The following PRPSAP2 variants were observed in gnomAD, a reference collection of about 807,000 sequenced individuals.
PRPSAP2 encodes the protein phosphoribosyl pyrophosphate synthase-associated protein 2.
In PRPSAP2, 24 loss-of-function variants were observed where a neutral mutation model predicts 40.6. The observed-to-expected ratio is 0.59, with a 90% CI of 0.43 to 0.83. PRPSAP2 has a LOEUF of 0.83. PRPSAP2 is among the 40% of genes least tolerant of loss of function. PRPSAP2 has a pLI of 0.00. For missense variants in PRPSAP2, 292 were observed against 465.6 expected, an observed-to-expected ratio of 0.63 and a Z score of 3.43; for synonymous variants, 149 against 164.7, an observed-to-expected ratio of 0.90 and a Z score of 0.73.
At chr17:18,919,715 G>T (rs1472880938) in intron 9 of PRPSAP2, among the ~76,000 whole-genome samples, 1 of 152,200 alleles carries the variant, frequency 6.6e-6, no homozygotes, top group Non-Finnish European at 1.5e-5. Flanking sequence ...TTAGTCTCCA[G>T]TACAGCCCTT....
At chr17:18,876,433 G>T (rs2038303936) in intron 5 of PRPSAP2, among the ~76,000 whole-genome samples, 1 of 152,148 alleles carries the variant, frequency 6.6e-6, no homozygotes, top group Non-Finnish European at 1.5e-5. Flanking sequence ...CAGACTTGTT[G>T]TATAGTGACA....
Position 18,882,697 on chromosome 17 carries a change from A to G in PRPSAP2, c.528+14A>G, listed in dbSNP as rs755264902. The G allele has an allele frequency of 4.0e-6, 6 of 1,483,402 alleles. No individual in the cohort carries two copies. The African/African-American group carries it at 8.4e-5, about 21-fold the overall frequency. The allele number at this position is 1,483,402 out of a possible 1,614,324, so 91.9% of individuals were successfully genotyped here. On this transcript the variant is annotated intron_variant, in intron 7 of 11. Coordinates refer to ENST00000268835, the MANE Select transcript of PRPSAP2 (RefSeq NM_002767.4). ...ATTCAAGAAGAGGTGAGCTAGCTCA[A>G]ACTTTTTTATTTTAACATTCTGATT...
chr17:18,879,954 G>A (rs144026067), intron 6 of PRPSAP2, among the ~76,000 whole-genome samples: 57 of 152,028 alleles, frequency 3.7e-4, no homozygotes, highest in Admixed American at 5.9e-4. Flanking sequence ...AAATTAGCCG[G>A]GTGTGGTGAC....
chr17:18,900,616 G>T (rs2040204394), intron 8 of PRPSAP2, among the ~76,000 whole-genome samples: 1 of 152,118 alleles, frequency 6.6e-6, no homozygotes, highest in African/African-American at 2.4e-5. Context: ...TAGGCCTTCT[G>T]ATTTTGCTGG....
intron 7 of PRPSAP2, among the ~76,000 whole-genome samples, chr17:18,886,523 A>G (rs2151916293): frequency 6.6e-6 from 1 of 151,974 alleles, no homozygotes; most frequent in South Asian, 2.1e-4. Context: ...ACGCCTGGCT[A>G]ATTTTTTTGT....
intron 9 of PRPSAP2, among the ~76,000 whole-genome samples, chr17:18,922,913 A>G (rs183045137): frequency 1.7e-3 from 252 of 151,432 alleles, no homozygotes; most frequent in African/African-American, 5.9e-3. Flanking sequence ...GAACTCAGGC[A>G]GGCAATCTGT....
intron 8 of PRPSAP2, among the ~76,000 whole-genome samples, chr17:18,902,869 C>CAAAAAAAAA (rs58345106): frequency 1.4e-5 from 1 of 73,310 alleles, no homozygotes; most frequent in Non-Finnish European, 2.5e-5. Flanking sequence ...AACTCCATCT[C>CAAAAAAAAA]AAAAAAAAAA....
At chr17:18,921,847 G>A (rs1300151543) in intron 9 of PRPSAP2, among the ~76,000 whole-genome samples, 2 of 152,114 alleles carry the variant, frequency 1.3e-5, no homozygotes, top group African/African-American at 4.8e-5. Context: ...ACATAACATA[G>A]AATTAACCAT....
intron 4 of PRPSAP2, among the ~76,000 whole-genome samples, chr17:18,869,204 T>G (rs1382086839): frequency 6.6e-6 from 1 of 152,124 alleles, no homozygotes; most frequent in Admixed American, 6.6e-5. Flanking sequence ...AGGAAGGAAG[T>G]AATATTTGTG....
chr17:18,865,785 GTATTA>G lies in PRPSAP2; in HGVS notation c.-32-13_-32-9del, dbSNP rs775709335. On this transcript the variant is annotated splice_polypyrimidine_tract_variant and intron_variant, in intron 2 of 11. Coordinates refer to ENST00000268835, the MANE Select transcript of PRPSAP2 (RefSeq NM_002767.4). The stretch of plus-strand genomic sequence containing the variant: ...CATATCATATGGCAGTTTTTAATAA[GTATTA>G]TATCCTTCTAGGCTCTGAAAATTGG... The G allele has an allele frequency of 7.2e-7, 1 of 1,381,010 alleles. No homozygotes were observed. The highest frequency in any genetic ancestry group is 9.5e-7 in the Non-Finnish European group (1 of 1,049,406). 85.5% of individuals were successfully genotyped at this position (1,381,010 alleles called of 1,614,324 possible).
At chr17:18,860,654 C>T (rs1400073039) in intron 1 of PRPSAP2, 1 of 152,250 alleles carries the variant, frequency 6.6e-6, no homozygotes, top group Non-Finnish European at 1.5e-5. Flanking sequence ...GCAAACCCAA[C>T]TCTTCACACT....
intron 8 of PRPSAP2, among the ~76,000 whole-genome samples, chr17:18,903,621 C>CT (rs1401072546): frequency 6.6e-6 from 1 of 152,042 alleles, no homozygotes; most frequent in Non-Finnish European, 1.5e-5. Context: ...CTAGTCCCAG[C>CT]TACTCAGGAG....
chr17:18,923,897 T>C lies in PRPSAP2; in HGVS notation c.734-17T>C, dbSNP rs2041831053. On this transcript the variant is annotated splice_polypyrimidine_tract_variant and intron_variant, in intron 9 of 11. Coordinates refer to ENST00000268835, the MANE Select transcript of PRPSAP2 (RefSeq NM_002767.4). ...TTTAATATAAAAATTTTGGTGTGTGTGTTTTATTCCAACCAGTGCTGATTC... is the reference window on the plus strand; with the variant it reads ...TTTAATATAAAAATTTTGGTGTGTGCGTTTTATTCCAACCAGTGCTGATTC... The C allele has an allele frequency of 1.9e-6, 3 of 1,594,062 alleles. No individual in the cohort carries two copies. The highest frequency in any genetic ancestry group is 2.6e-6 in the Non-Finnish European group (3 of 1,170,686).
intron 9 of PRPSAP2, among the ~76,000 whole-genome samples, chr17:18,922,927 C>T (rs186730352): frequency 2.9e-3 from 445 of 151,616 alleles, no homozygotes; most frequent in Non-Finnish European, 5.5e-3. Flanking sequence ...AATCTGTCCA[C>T]CTCGGCCTCC....
chr17:18,874,960 G>A (rs115923790), intron 5 of PRPSAP2, among the ~76,000 whole-genome samples: 1 of 152,304 alleles, frequency 6.6e-6, no homozygotes, highest in African/African-American at 2.4e-5. Context: ...AAGGGGATGG[G>A]TAGGCATTGA....
chr17:18,908,671 G>T, intron 8 of PRPSAP2: 1 of 722,724 alleles, frequency 1.4e-6, no homozygotes, highest in East Asian at 2.6e-5. Context: ...CCCCAAGCCA[G>T]AGCTGCTGGC....
rs562921586 is a variant in PRPSAP2 at position 18,927,699 on chromosome 17, C to A, written c.805-1112C>A. Reference sequence around the variant, plus strand: ...GGTTTGCATGGTAGTTGCAGATATACTCTTATAAGAGACTGTCAAACTGTT... The same window carrying A: ...GGTTTGCATGGTAGTTGCAGATATAATCTTATAAGAGACTGTCAAACTGTT... On this transcript the variant is annotated intron_variant, in intron 10 of 11. Coordinates refer to ENST00000268835, the MANE Select transcript of PRPSAP2 (RefSeq NM_002767.4). Among the ~76,000 whole-genome samples the A allele has an allele frequency of 3.7e-4, 57 of 152,278 alleles. 1 individual carries two copies. Among genetic ancestry groups the A allele is most frequent in the Non-Finnish European group, 7.1e-4 (48 of 68,024 alleles).
intron 7 of PRPSAP2, among the ~76,000 whole-genome samples, chr17:18,887,610 C>T (rs2039258950): frequency 6.6e-6 from 1 of 152,074 alleles, no homozygotes; most frequent in African/African-American, 2.4e-5. Flanking sequence ...ACTATTAGGT[C>T]CTGAAAATTT....
chr17:18,871,528 T>A (rs1042285475), intron 4 of PRPSAP2, among the ~76,000 whole-genome samples: 14 of 152,198 alleles, frequency 9.2e-5, no homozygotes, highest in African/African-American at 3.4e-4. Flanking sequence ...TTATGACTGA[T>A]CACACATATT....
Sources: gnomAD v4.1 joint callset for allele counts (sites outside exome capture counted in the v4.1 genomes callset) on GRCh38, gnomAD v4.1.1 for gene constraint, MANE v1.5 for transcripts, NCBI Gene and HGNC (gene_info 2026-07-23, HGNC 2026-07-21) for gene names.